EXOC2: variants seen among roughly 807,000 people sequenced by gnomAD.
The protein encoded by EXOC2 is exocyst complex component 2.
EXOC2 carries 70 observed loss-of-function variants against 131.8 expected under a neutral mutation model. The observed-to-expected ratio is 0.53, with a 90% CI of 0.44 to 0.65. The LOEUF is 0.65. Among genes scored for constraint, EXOC2 ranks in the 30% least tolerant of loss-of-function variants. The pLI is 0.00. For missense variants in EXOC2, 923 were observed against 1,108.6 expected, an observed-to-expected ratio of 0.83 and a Z score of 2.38; for synonymous variants, 411 against 398.4, an observed-to-expected ratio of 1.03 and a Z score of -0.38.
intron 21 of EXOC2, 145 bp downstream of exon 21, chr6:553,709 A>T: frequency 1.6e-6 from 1 of 635,008 alleles, no homozygotes; most frequent in Non-Finnish European, 2.8e-6. Context: ...TTTCCTGAAA[A>T]TTTCACATAA....
At chr6:573,867 T>C (rs1321104682) in intron 12 of EXOC2, among the ~76,000 whole-genome samples, 1 of 152,184 alleles carries the variant, frequency 6.6e-6, no homozygotes, top group Non-Finnish European at 1.5e-5. Context: ...TCACTAGTTA[T>C]TGTGACTCTT....
intron 2 of EXOC2, among the ~76,000 whole-genome samples, chr6:636,917 A>G (rs1762129333): frequency 6.6e-6 from 1 of 152,188 alleles, no homozygotes; most frequent in African/African-American, 2.4e-5. Flanking sequence ...TAGAGACTGA[A>G]ACTTAGTAGG....
intron 23 of EXOC2, among the ~76,000 whole-genome samples, chr6:521,756 G>A (rs1765480483): frequency 6.6e-6 from 1 of 151,992 alleles, no homozygotes; most frequent in African/African-American, 2.4e-5. Context: ...TCTAACTCCT[G>A]GGCTCAAGCG....
intron 1 of EXOC2, chr6:679,509 A>G (rs1021994616): frequency 2.0e-5 from 3 of 152,240 alleles, no homozygotes; most frequent in African/African-American, 7.2e-5. Flanking sequence ...CAACTGTTCC[A>G]ATACTCTGAA....
chr6:494,830 T>C (rs182548359), intron 25 of EXOC2, among the ~76,000 whole-genome samples: 136 of 152,360 alleles, frequency 8.9e-4, no homozygotes, highest in African/African-American at 3.1e-3. Context: ...ATTTACTGTA[T>C]TGATGGACAC....
intron 22 of EXOC2, among the ~76,000 whole-genome samples, chr6:537,398 G>A (rs757425378): frequency 2.7e-5 from 4 of 149,262 alleles, no homozygotes; most frequent in African/African-American, 9.9e-5. Flanking sequence ...GCGTACACTC[G>A]AGTTCATGAC....
intron 7 of EXOC2, 118 bp from the exon 8 acceptor site, chr6:599,343 G>C: frequency 1.0e-6 from 1 of 989,958 alleles, no homozygotes; most frequent in Non-Finnish European, 1.4e-6. Context: ...TTAAAACTCA[G>C]ACTGTTTTTC....
chr6:560,270 A>G lies in EXOC2; in HGVS notation c.1851+2514T>C, dbSNP rs953402848. Among the ~76,000 whole-genome samples the G allele has an allele frequency of 3.3e-5, 5 of 152,324 alleles. No homozygotes were observed. In the South Asian group the frequency reaches 1.0e-3, roughly 32 times the overall value. On this transcript the variant is annotated intron_variant, in intron 17 of 27. Coordinates refer to ENST00000230449, the MANE Select transcript of EXOC2 (RefSeq NM_018303.6). ...TGTTCTGCTCCCTGTTTACAGACTA[A>G]GACTCTAGGGTCAGACAGACTACAT...
Position 508,211 on chromosome 6 carries a change from C to T in EXOC2, c.2381-8511G>A, listed in dbSNP as rs529216565. Among the ~76,000 whole-genome samples the T allele has an allele frequency of 1.9e-4, 29 of 152,316 alleles. No individual in the cohort carries two copies. In the South Asian group the frequency reaches 5.8e-3, roughly 30 times the overall value. ...CAGAGATTTCACATATGCCGTCCCG[C>T]CCGCCACCACATACACACGGCCGCC... On this transcript the variant is annotated intron_variant, in intron 23 of 27. Coordinates refer to ENST00000230449, the MANE Select transcript of EXOC2 (RefSeq NM_018303.6).
intron 10 of EXOC2, among the ~76,000 whole-genome samples, chr6:594,097 T>C (rs774775676): frequency 6.6e-6 from 1 of 152,192 alleles, no homozygotes; most frequent in East Asian, 1.9e-4. Flanking sequence ...GCTGAGAAAG[T>C]GGCAGGTCAA....
chr6:614,183 G>A (rs549246965), intron 6 of EXOC2, among the ~76,000 whole-genome samples: 4 of 151,836 alleles, frequency 2.6e-5, no homozygotes, highest in East Asian at 1.9e-4. Flanking sequence ...TGTGGACCAC[G>A]GGCCACACTA....
At chr6:498,918 G>A (rs1347427245) in intron 24 of EXOC2, among the ~76,000 whole-genome samples, 1 of 152,200 alleles carries the variant, frequency 6.6e-6, no homozygotes, top group African/African-American at 2.4e-5. Context: ...CTCTCAAAGT[G>A]TTGGCAAAGC....
At chr6:571,760 C>T (rs1005630218) in intron 13 of EXOC2, among the ~76,000 whole-genome samples, 2 of 151,574 alleles carry the variant, frequency 1.3e-5, no homozygotes, top group Non-Finnish European at 2.9e-5. Context: ...AGTCGGTCTC[C>T]TGCAGAGACA....
chr6:614,805 C>T (rs1045965383), intron 6 of EXOC2, among the ~76,000 whole-genome samples: 3 of 152,086 alleles, frequency 2.0e-5, no homozygotes, highest in East Asian at 1.9e-4. Flanking sequence ...GAAGAAACCA[C>T]ATCCGTCCGT....
intron 25 of EXOC2, among the ~76,000 whole-genome samples, chr6:496,226 C>T (rs1382269265): frequency 1.3e-5 from 2 of 152,140 alleles, no homozygotes; most frequent in Non-Finnish European, 2.9e-5. Flanking sequence ...AGGAATAAGT[C>T]GTGTTTTCCC....
intron 15 of EXOC2, 113 bp downstream of exon 15, chr6:564,432 A>T: frequency 7.0e-7 from 1 of 1,431,832 alleles, no homozygotes; most frequent in Non-Finnish European, 9.5e-7. Flanking sequence ...GTGGAGGCAA[A>T]AGGACAAAAA....
intron 25 of EXOC2, 47 bp downstream of exon 25, chr6:497,320 T>G: frequency 1.3e-6 from 2 of 1,583,088 alleles, no homozygotes; most frequent in Non-Finnish European, 1.7e-6. Context: ...TTTTATATGC[T>G]TTAAATAACA....
intron 9 of EXOC2, 97 bp downstream of exon 9, chr6:598,763 A>C (rs1759962793): frequency 1.0e-6 from 1 of 989,580 alleles, no homozygotes; most frequent in Admixed American, 2.5e-5. Context: ...CATATAAACA[A>C]AAACTAAAAA....
intron 12 of EXOC2, among the ~76,000 whole-genome samples, chr6:573,096 G>C (rs560150498): frequency 6.4e-4 from 98 of 152,304 alleles, no homozygotes; most frequent in African/African-American, 2.3e-3. Context: ...CATACACCCT[G>C]GGAAGTGAGA....
Sources: allele counts gnomAD v4.1 joint callset (sites outside exome capture counted in the v4.1 genomes callset), GRCh38; gene constraint gnomAD v4.1.1; transcripts MANE v1.5; gene names NCBI Gene and HGNC (gene_info 2026-07-23, HGNC 2026-07-21).